Variants in ZNF91 observed in about 807,000 individuals in gnomAD.
ZNF91 encodes the protein zinc finger protein 91, also known as zinc finger protein 91 (HPF7, HTF10).
In ZNF91, 7 loss-of-function variants were observed where a neutral mutation model predicts 12.6. The observed-to-expected ratio is 0.55, with a 90% CI of 0.31 to 1.04. The LOEUF is 1.04. Ranked by LOEUF, ZNF91 falls within the 50% of genes least tolerant of loss-of-function variation. The pLI is 0.05. For missense variants in ZNF91, 1,217 were observed against 1,385.4 expected (o/e 0.88, Z 1.93); for synonymous variants, 453 against 462.6 (o/e 0.98, Z 0.27).
chr19:23,388,877 A>G (rs1398412918), intron 1 of ZNF91, among the ~76,000 whole-genome samples: 1 of 152,180 alleles, frequency 6.6e-6, no homozygotes, highest in Admixed American at 6.5e-5. Context: ...ATCTTTTAAA[A>G]AAAAAGAAAG....
At position 23,358,077 on chromosome 19, in the gene ZNF91, C is replaced by T. The variant is rs938228155; in HGVS notation, c.*1326G>A. On this transcript the variant is annotated 3_prime_UTR_variant, in exon 4 of 4. Transcript: ENST00000300619. Reference sequence around the variant, plus strand: ...TAGAGATGTCAGTCCATTATCTTACCAAATAGTGTATTTTTACCATCTTTT... The same window carrying T: ...TAGAGATGTCAGTCCATTATCTTACTAAATAGTGTATTTTTACCATCTTTT... 6.6e-6 allele frequency: 1 copy of T among 152,078 alleles called. No individual in the cohort carries two copies. Among genetic ancestry groups the T allele is most frequent in the East Asian group, 1.9e-4 (1 of 5,204 alleles). The allele number at this position is 152,078 out of a possible 1,614,324, so 9.4% of individuals were successfully genotyped here.
intron 3 of ZNF91, among the ~76,000 whole-genome samples, chr19:23,351,501 A>G (rs1968365850): frequency 6.6e-6 from 1 of 152,202 alleles, no homozygotes; most frequent in Non-Finnish European, 1.5e-5. Context: ...CATGAGAAGA[A>G]AAGGGAAAAG....
At chr19:23,368,729 A>T (rs1969131647) in intron 3 of ZNF91, among the ~76,000 whole-genome samples, 2 of 152,010 alleles carry the variant, frequency 1.3e-5, no homozygotes, top group South Asian at 4.1e-4. Flanking sequence ...CCTCCTATAA[A>T]ATGGATGAAA....
chr19:23,337,348 A>ATG (rs916885109), downstream of ZNF91, among the ~76,000 whole-genome samples: 6 of 151,388 alleles, frequency 4.0e-5, no homozygotes, highest in Non-Finnish European at 5.9e-5. Flanking sequence ...GTGTGTGTGT[A>ATG]TGTGTGTGTG....
intron 1 of ZNF91, chr19:23,328,816 T>TG (rs1309845604): frequency 2.6e-5 from 4 of 152,144 alleles, no homozygotes; most frequent in Non-Finnish European, 5.9e-5. Flanking sequence ...TTGGATGGTG[T>TG]GGGGAAGGGA....
At chr19:23,306,344 T>A (rs1332234002) in intron 3 of ZNF91, among the ~76,000 whole-genome samples, 1 of 152,220 alleles carries the variant, frequency 6.6e-6, no homozygotes, top group Non-Finnish European at 1.5e-5. Context: ...ACCTTCATGA[T>A]TTGACACATC....
At chr19:23,347,801 C>T (rs1307556844) in intron 3 of ZNF91, among the ~76,000 whole-genome samples, 1 of 152,138 alleles carries the variant, frequency 6.6e-6, no homozygotes, top group Non-Finnish European at 1.5e-5. Context: ...CTTTTCCTAC[C>T]CACTAAGCCC....
At chr19:23,312,399 T>G (rs1357094943), upstream of ZNF91, among the ~76,000 whole-genome samples, 1 of 152,234 alleles carries the variant, frequency 6.6e-6, no homozygotes, top group Non-Finnish European at 1.5e-5. Flanking sequence ...CTAGGTCTCA[T>G]TTTTGTATGA....
At chr19:23,356,289 G>A (rs192378647), downstream of ZNF91, among the ~76,000 whole-genome samples, 22 of 152,180 alleles carry the variant, frequency 1.4e-4, no homozygotes, top group African/African-American at 4.8e-4. Context: ...GAATTAACGC[G>A]TGGGTAAAGA....
At position 23,380,302 on chromosome 19, in the gene ZNF91, A is replaced by AAAG. The variant is rs554607914; in HGVS notation, c.31-5539_31-5538insCTT. 112 of 133,654 alleles carry AAAG rather than the reference A, an allele frequency of 8.4e-4. 8 individuals are homozygous for AAAG. Among genetic ancestry groups the AAAG allele is most frequent in the African/African-American group, 3.1e-3 (101 of 32,916 alleles). The allele number at this position is 133,654 out of a possible 1,614,324, so 8.3% of individuals were successfully genotyped here. On this transcript the variant is annotated intron_variant, in intron 1 of 3. Coordinates refer to ENST00000300619, the MANE Select transcript of ZNF91 (RefSeq NM_003430.4). The stretch of plus-strand genomic sequence containing the variant: ...AAAAAAAAAAAAAAAAAAAAAAAAA[A>AAAG]GAGTGAAGCTTGAGCTGCAGAAGGA...
intron 3 of ZNF91, among the ~76,000 whole-genome samples, chr19:23,370,307 T>C (rs901588635): frequency 1.1e-4 from 16 of 151,962 alleles, no homozygotes; most frequent in African/African-American, 3.6e-4. Flanking sequence ...AAACGATAAA[T>C]GTTATGATTT....
chr19:23,312,653 T>C (rs1471962206), upstream of ZNF91, among the ~76,000 whole-genome samples: 1 of 152,242 alleles, frequency 6.6e-6, no homozygotes, highest in Admixed American at 6.5e-5. Context: ...GGTCAGCTCA[T>C]AGGAAGGTGA....
At chr19:23,334,105 A>G (rs1467957155), downstream of ZNF91, among the ~76,000 whole-genome samples, 1 of 152,226 alleles carries the variant, frequency 6.6e-6, no homozygotes, top group African/African-American at 2.4e-5. Flanking sequence ...CCATGTGTAG[A>G]GGAAGAGTGT....
chr19:23,333,203 A>G (rs1476146318), intron 1 of ZNF91, among the ~76,000 whole-genome samples: 2 of 152,202 alleles, frequency 1.3e-5, no homozygotes, highest in Non-Finnish European at 2.9e-5. Context: ...CTGTACACTC[A>G]TAAGTGTTTG....
At chr19:23,389,124 C>G (rs1464233012) in intron 1 of ZNF91, among the ~76,000 whole-genome samples, 1 of 151,878 alleles carries the variant, frequency 6.6e-6, no homozygotes, top group Non-Finnish European at 1.5e-5. Context: ...TATAACAAAC[C>G]TGCATGTGTA....
intron 1 of ZNF91, among the ~76,000 whole-genome samples, chr19:23,387,941 C>CAAAAA (rs71163499): frequency 1.2e-4 from 7 of 56,280 alleles, no homozygotes; most frequent in Admixed American, 2.2e-4. Flanking sequence ...GAGACTGTCT[C>CAAAAA]AAAAAAAAAA....
At chr19:23,369,357 C>A (rs1969166843) in intron 3 of ZNF91, among the ~76,000 whole-genome samples, 1 of 151,310 alleles carries the variant, frequency 6.6e-6, no homozygotes, top group African/African-American at 2.4e-5. Flanking sequence ...GCAGCCCCCA[C>A]CCGGCCAGCC....
intron 3 of ZNF91, among the ~76,000 whole-genome samples, chr19:23,368,948 C>A (rs1969140831): frequency 6.6e-6 from 1 of 151,988 alleles, no homozygotes; most frequent in African/African-American, 2.4e-5. Flanking sequence ...GAAACAAAAT[C>A]CCCTCACACC....
intron 1 of ZNF91, among the ~76,000 whole-genome samples, chr19:23,316,103 G>A (rs1204729821): frequency 6.6e-6 from 1 of 151,652 alleles, no homozygotes; most frequent in Non-Finnish European, 1.5e-5. Flanking sequence ...CATTTTTGTT[G>A]CCTGGGACCT....
Sources: allele counts gnomAD v4.1 joint callset (sites outside exome capture counted in the v4.1 genomes callset), GRCh38; gene constraint gnomAD v4.1.1; transcripts MANE v1.5; gene names NCBI Gene and HGNC (gene_info 2026-07-23, HGNC 2026-07-21).